ITGA2B: variants seen among roughly 807,000 people sequenced by gnomAD.
The protein encoded by ITGA2B is integrin subunit alpha 2b.
In ITGA2B, 91 loss-of-function variants were observed where a neutral mutation model predicts 142.0. The ratio of observed to expected loss-of-function variants is 0.64; its 90% confidence interval spans 0.54 to 0.76. The LOEUF is 0.76. Ranked by LOEUF, ITGA2B falls within the 30% of genes least tolerant of loss-of-function variation. The pLI is 0.00. For missense variants in ITGA2B, 1,231 were observed against 1,350.8 expected (o/e 0.91, Z 1.39); for synonymous variants, 536 against 567.2 (o/e 0.94, Z 0.78).
intron 1 of ITGA2B, 100 bp downstream of exon 1, chr17:44,389,186 G>A (rs928089832): frequency 8.3e-6 from 11 of 1,320,304 alleles, no homozygotes; most frequent in African/African-American, 1.4e-5. Flanking sequence ...AAGTCACCTT[G>A]CTCAACTGCT....
At position 44,376,404 on chromosome 17, in the gene ITGA2B, T is replaced by G; in HGVS notation, c.2268-16A>C. 1 of 1,613,750 alleles carries G rather than the reference T, an allele frequency of 6.2e-7. No individual in the cohort carries two copies. The highest frequency in any genetic ancestry group is 8.5e-7 in the Non-Finnish European group (1 of 1,179,780). On this transcript the variant is annotated splice_polypyrimidine_tract_variant and intron_variant, in intron 22 of 29. Transcript: ENST00000262407. ...GCTGTTCTTGCTAGAGGGGAGGGGA[T>G]GAGGAGAAACAGGGCCAGGGACACC...
intron 21 of ITGA2B, among the ~76,000 whole-genome samples, chr17:44,377,376 A>T (rs1341892661): frequency 3.3e-5 from 5 of 151,932 alleles, no homozygotes; most frequent in African/African-American, 1.2e-4. Flanking sequence ...TTGTATTTTT[A>T]GTAGAGACGG....
Position 44,385,915 on chromosome 17 carries a change from T to A in ITGA2B, c.317A>T (p.Glu106Val). ...AGTTTGGGAGCCTACATTTCGGGTC[T>A]CATCACCTGGAAGGCACAAGAAGGG... Reference protein sequence around the residue: ...CPSLLFDLRDETRNVGSQTLQ... With the variant: ...CPSLLFDLRDVTRNVGSQTLQ... The change falls in exon 3 of 30, where the codon GAG becomes GTG. Residue 106 changes from glutamate (E) to valine (V), a missense_variant. Glu to Val is a moderately radical substitution (Grantham distance 121). This residue lies in a region of ITGA2B where 318 missense variants were observed against 312.2 expected (regional missense o/e 1.02). Transcript: ENST00000262407. The A allele has an allele frequency of 6.2e-7, 1 of 1,613,180 alleles. No homozygotes were observed. Among genetic ancestry groups the A allele is most frequent in the Non-Finnish European group, 8.5e-7 (1 of 1,179,614 alleles).
Position 44,374,477 on chromosome 17 carries a change from G to A in ITGA2B, c.2944-7C>T, listed in dbSNP as rs1046096285. ...GGAGCAGCTGTGTCCACACCTGGGG[G>A]CAAACCCACGTGTCTCCTCAGTCAC... On this transcript the variant is annotated splice_region_variant and splice_polypyrimidine_tract_variant and intron_variant, in intron 28 of 29. Transcript: ENST00000262407. 2.5e-6 allele frequency: 4 copies of A among 1,610,258 alleles called. No individual in the cohort carries two copies. Among genetic ancestry groups the A allele is most frequent in the Non-Finnish European group, 3.4e-6 (4 of 1,176,638 alleles).
intron 29 of ITGA2B, among the ~76,000 whole-genome samples, chr17:44,373,053 T>C (rs2048510454): frequency 6.6e-6 from 1 of 152,208 alleles, no homozygotes; most frequent in Admixed American, 6.5e-5. Flanking sequence ...CTAATTTTTT[T>C]TAAAAAACTT....
chr17:44,378,972 G>T (rs969290408), intron 18 of ITGA2B, among the ~76,000 whole-genome samples: 2 of 152,188 alleles, frequency 1.3e-5, no homozygotes, highest in African/African-American at 4.8e-5. Context: ...TGGAGACGGA[G>T]TCTCGCTCTG....
Position 44,375,720 on chromosome 17 carries a change from G to A in ITGA2B, c.2602-4C>T. On this transcript the variant is annotated splice_region_variant and splice_polypyrimidine_tract_variant and intron_variant, in intron 25 of 29. Coordinates refer to ENST00000262407, the MANE Select transcript of ITGA2B (RefSeq NM_000419.5). Reference sequence around the variant, plus strand: ...GGATGGGCAGCCCCCAGTCCACCTGGGGGGGCAAAGGAGTGGTCAGGCCCA... The same window carrying A: ...GGATGGGCAGCCCCCAGTCCACCTGAGGGGGCAAAGGAGTGGTCAGGCCCA... 2 of 1,573,246 alleles carry A rather than the reference G, an allele frequency of 1.3e-6. No homozygotes were observed. Among genetic ancestry groups the A allele is most frequent in the South Asian group, 1.2e-5 (1 of 86,464 alleles).
intron 22 of ITGA2B, among the ~76,000 whole-genome samples, chr17:44,376,706 C>G (rs948661975): frequency 6.6e-6 from 1 of 151,770 alleles, no homozygotes; most frequent in Non-Finnish European, 1.5e-5. Flanking sequence ...CTCCCAGGTT[C>G]GGTTCAAGCT....
At chr17:44,375,280 G>T in intron 26 of ITGA2B, 169 bp from the exon 27 acceptor site, 1 of 686,978 alleles carries the variant, frequency 1.5e-6, no homozygotes, top group South Asian at 1.6e-5. Context: ...CTTTCCACGG[G>T]CTTGCTCACA....
At chr17:44,385,430 C>T (rs1432226709) in intron 4 of ITGA2B, 95 bp from the exon 5 acceptor site, 2 of 1,499,940 alleles carry the variant, frequency 1.3e-6, no homozygotes, top group East Asian at 2.5e-5. Flanking sequence ...GGCCTTGAGT[C>T]GGCGGGGCCC....
intron 22 of ITGA2B, 108 bp from the exon 23 acceptor site, chr17:44,376,496 G>A: frequency 1.0e-6 from 1 of 960,152 alleles, no homozygotes. Context: ...ATTATACAAA[G>A]AGCATGCCAC....
Position 44,383,822 on chromosome 17 carries a change from G to C in ITGA2B, c.998+72C>G, listed in dbSNP as rs2048618445. The C allele has an allele frequency of 1.9e-6, 3 of 1,591,298 alleles. No individual in the cohort carries two copies. The East Asian group carries it at 6.8e-5, about 36-fold the overall frequency. ...AGTGGATACGTGAGACTAGGGCTAGGAAAGGGAGACAGAGGGCAGCTCTGG... is the reference window on the plus strand; with the variant it reads ...AGTGGATACGTGAGACTAGGGCTAGCAAAGGGAGACAGAGGGCAGCTCTGG... On this transcript the variant is annotated intron_variant, in intron 11 of 29. Coordinates refer to ENST00000262407, the MANE Select transcript of ITGA2B (RefSeq NM_000419.5).
rs1478695725 is a variant in ITGA2B at position 44,385,620 on chromosome 17, C to T, written c.505G>A (p.Gly169Ser). ...CAGGGGGAGTACTCGGCGCGGCGGC[C>T]GCTCTCTGGCTGAGCCAAAAAGCAG... is the stretch of plus-strand genomic sequence containing the variant. ...GSCFLAQPES[G>S]RRAEYSPCRG... Residue 169 changes from glycine (G) to serine (S), a missense_variant, in exon 4 of 30, where the codon GGC becomes AGC. Gly to Ser is a moderately conservative substitution (Grantham distance 56, BLOSUM62 0). Transcript: ENST00000262407. 6.2e-7 allele frequency: 1 copy of T among 1,612,774 alleles called. No individual in the cohort carries two copies. Among genetic ancestry groups the T allele is most frequent in the Non-Finnish European group, 8.5e-7 (1 of 1,179,860 alleles).
intron 12 of ITGA2B, 80 bp from the exon 13 acceptor site, chr17:44,381,141 T>G (rs974965070): frequency 1.1e-4 from 148 of 1,393,250 alleles, no homozygotes; most frequent in Admixed American, 2.8e-4. Context: ...TGAGCTTCTC[T>G]GGGAACATCC....
Position 44,385,061 on chromosome 17 carries a change from G to A in ITGA2B, c.686C>T (p.Ala229Val). 1.2e-6 allele frequency: 2 copies of A among 1,614,184 alleles called. No homozygotes were observed. Among genetic ancestry groups the A allele is most frequent in the Non-Finnish European group, 8.5e-7 (1 of 1,180,038 alleles). Residue 229 changes from alanine (A) to valine (V), a missense_variant, in exon 7 of 30, where the codon GCT becomes GTT. Coordinates refer to ENST00000262407, the MANE Select transcript of ITGA2B (RefSeq NM_000419.5). ...ACTCGAGAAAATATCCGCAACTGGA[G>A]CCTGGGCCAGGAGACCTAGGGCGGG... ...GYYFLGLLAQ[A>V]PVADIFSSYR... is the part of the protein sequence containing the mutation.
At position 44,381,104 on chromosome 17, in the gene ITGA2B, C is replaced by G. The variant is rs1262740151; in HGVS notation, c.1211-43G>C. ...AAGGAAGTGGCTGATTGTTATTCAG[C>G]CTCCCTAGATGACTGTAAAACTTTC... On this transcript the variant is annotated intron_variant, in intron 12 of 29. Transcript: ENST00000262407. The G allele has an allele frequency of 1.9e-6, 3 of 1,591,924 alleles. No homozygotes were observed. The South Asian group carries it at 3.3e-5, about 18-fold the overall frequency.
intron 21 of ITGA2B, 104 bp from the exon 22 acceptor site, chr17:44,377,192 C>CT: frequency 1.2e-6 from 1 of 835,332 alleles, no homozygotes; most frequent in Non-Finnish European, 1.9e-6. Context: ...CACCACTATT[C>CT]TTTTTCTTTT....
Position 44,389,425 on chromosome 17 carries a change from C to T in ITGA2B, c.49G>A (p.Val17Met), listed in dbSNP as rs1285991850. Reference sequence around the variant, plus strand: ...GCACAAGGTCCCAAGAGCAGCAGCACCCACTCCAGAAGCCAGAGGGCTTGC... The same window carrying T: ...GCACAAGGTCCCAAGAGCAGCAGCATCCACTCCAGAAGCCAGAGGGCTTGC... ...PLQALWLLEW[V>M]LLLLGPCAAP... is the part of the protein sequence containing the mutation. Residue 17 changes from valine to methionine, a missense_variant, in exon 1 of 30, where the codon GTG becomes ATG. Val to Met is a conservative substitution (Grantham distance 21). Transcript: ENST00000262407. 2 of 1,614,188 alleles carry T rather than the reference C, an allele frequency of 1.2e-6. No homozygotes were observed. The highest frequency in any genetic ancestry group is 2.7e-5 in the African/African-American group (2 of 75,056).
chr17:44,386,651 G>A (rs1490590445), intron 1 of ITGA2B, among the ~76,000 whole-genome samples: 1 of 152,172 alleles, frequency 6.6e-6, no homozygotes, highest in African/African-American at 2.4e-5. Context: ...TGTGAAATAG[G>A]AATACCAATT....
Sources: allele counts gnomAD v4.1 joint callset (sites outside exome capture counted in the v4.1 genomes callset), GRCh38; gene constraint gnomAD v4.1.1; regional missense constraint gnomAD v4.1.1; transcripts MANE v1.5; gene names NCBI Gene and HGNC (gene_info 2026-07-23, HGNC 2026-07-21).